MYZAP: variants seen among roughly 807,000 people sequenced by gnomAD.
MYZAP encodes the protein myocardial zonula adherens protein, also known as GRINL1A complex locus upstream.
MYZAP carries 66 observed loss-of-function variants against 69.4 expected under a neutral mutation model. The observed-to-expected ratio is 0.95, with a 90% CI of 0.78 to 1.17. The LOEUF (loss-of-function observed/expected upper bound fraction) is 1.17, where lower values mean the gene tolerates loss of function less well. MYZAP is among the 50% of genes most tolerant of loss of function. The pLI is 0.00. For missense variants in MYZAP, 611 were observed against 556.2 expected, an observed-to-expected ratio of 1.10 and a Z score of -0.99; for synonymous variants, 256 against 205.9, an observed-to-expected ratio of 1.24 and a Z score of -2.09.
chr15:57,625,717 C>G, intron 4 of MYZAP, 62 bp from the exon 5 acceptor site: 3 of 1,496,506 alleles, frequency 2.0e-6, no homozygotes, highest in Non-Finnish European at 2.8e-6. Context: ...TCCAGCCTAA[C>G]TGAAGATTGT....
At chr15:57,619,020 G>A (rs1451703923) in intron 3 of MYZAP, among the ~76,000 whole-genome samples, 1 of 152,162 alleles carries the variant, frequency 6.6e-6, no homozygotes, top group Non-Finnish European at 1.5e-5. Context: ...TCTGTGTCTG[G>A]CCCAGCAAGT....
At chr15:57,623,802 TA>T (rs60114009) in intron 4 of MYZAP, among the ~76,000 whole-genome samples, 38,041 of 132,544 alleles carry the variant, frequency 0.29, 5,454 homozygotes, top group Non-Finnish European at 0.36. Flanking sequence ...AGTTGTAAAT[TA>T]AAAAAAAAAA....
At chr15:57,617,097 G>A (rs2035515180) in intron 2 of MYZAP, among the ~76,000 whole-genome samples, 2 of 152,002 alleles carry the variant, frequency 1.3e-5, no homozygotes, top group African/African-American at 4.8e-5. Context: ...ATAGCCTGCA[G>A]TATGGGGAGG....
chr15:57,621,933 C>A (rs1028936490), intron 4 of MYZAP, among the ~76,000 whole-genome samples: 2 of 152,102 alleles, frequency 1.3e-5, no homozygotes, highest in African/African-American at 4.8e-5. Context: ...AAGTCAGGAG[C>A]AAAACAAGGA....
chr15:57,682,773 T>G (rs995701803), intron 12 of MYZAP, among the ~76,000 whole-genome samples: 14 of 152,152 alleles, frequency 9.2e-5, no homozygotes, highest in African/African-American at 3.4e-4. Context: ...TGGTTTGCAG[T>G]TCCACATCCA....
At chr15:57,674,652 A>G (rs1314028557) in intron 11 of MYZAP, among the ~76,000 whole-genome samples, 1 of 152,264 alleles carries the variant, frequency 6.6e-6, no homozygotes, top group East Asian at 1.9e-4. Context: ...TGACATAAAA[A>G]GAAAACTAAT....
intron 1 of MYZAP, among the ~76,000 whole-genome samples, chr15:57,598,242 G>A (rs79457254): frequency 0.012 from 1,891 of 152,242 alleles, 21 homozygotes; most frequent in Middle Eastern, 0.02. Context: ...GGGGACCCAT[G>A]TAGCTCCCCA....
At chr15:57,627,280 C>T (rs2036190557) in intron 5 of MYZAP, among the ~76,000 whole-genome samples, 1 of 151,556 alleles carries the variant, frequency 6.6e-6, no homozygotes, top group African/African-American at 2.4e-5. Flanking sequence ...TGACTGATTC[C>T]TAGTTATCAT....
intron 10 of MYZAP, among the ~76,000 whole-genome samples, chr15:57,656,220 G>A (rs2038004032): frequency 6.6e-6 from 1 of 152,174 alleles, no homozygotes; most frequent in Admixed American, 6.5e-5. Flanking sequence ...GGGCCTCCAA[G>A]CATCTGATCC....
chr15:57,593,188 G>GCATGCGCGCGCGCGCGCACACA, intron 1 of MYZAP, among the ~76,000 whole-genome samples: 7 of 114,150 alleles, frequency 6.1e-5, no homozygotes, highest in East Asian at 2.7e-4. Context: ...GTACACAGGC[G>GCATGCGCGCGCGCGCGCACACA]CACACACACA....
At chr15:57,637,894 C>A in intron 9 of MYZAP, 120 bp downstream of exon 9, 3 of 1,032,368 alleles carry the variant, frequency 2.9e-6, no homozygotes, top group Admixed American at 2.6e-5. Flanking sequence ...CAGACTTAAG[C>A]ATACATAACA....
At chr15:57,676,224 A>G (rs1595941459) in intron 12 of MYZAP, among the ~76,000 whole-genome samples, 1 of 151,888 alleles carries the variant, frequency 6.6e-6, no homozygotes, top group Non-Finnish European at 1.5e-5. Flanking sequence ...ATTAATTTTT[A>G]TTTATTACTG....
Position 57,684,609 on chromosome 15 carries a change from A to G in MYZAP, c.*111A>G. The G allele has an allele frequency of 1.4e-6, 1 of 699,616 alleles. No individual in the cohort carries two copies. Among genetic ancestry groups the G allele is most frequent in the Non-Finnish European group, 2.5e-6 (1 of 408,014 alleles). 43.3% of individuals were successfully genotyped at this position (699,616 alleles called of 1,614,324 possible). ...TTCCCCTACACACAGTGTAAGCCGG[A>G]ATGGGAATCGCTGAGGCTCTGATCC... is the stretch of plus-strand genomic sequence containing the variant. On this transcript the variant is annotated 3_prime_UTR_variant, in exon 13 of 13. Transcript: ENST00000267853.
Position 57,646,714 on chromosome 15 carries a change from G to A in MYZAP, c.1119+7169G>A, listed in dbSNP as rs1181939987. The A allele has an allele frequency of 6.1e-6, 6 of 986,654 alleles. No individual in the cohort carries two copies. In the East Asian group the frequency reaches 6.8e-4, roughly 111 times the overall value. 61.1% of individuals were successfully genotyped at this position (986,654 alleles called of 1,614,324 possible). ...CTATTTGTATATGGGAGGTGGCCCTGAAGGTGTCCTTCCTGAATGGATATC... is the reference window on the plus strand; with the variant it reads ...CTATTTGTATATGGGAGGTGGCCCTAAAGGTGTCCTTCCTGAATGGATATC... On this transcript the variant is annotated intron_variant, in intron 10 of 12. Transcript: ENST00000267853.
chr15:57,641,183 A>C (rs1455973176), intron 10 of MYZAP, among the ~76,000 whole-genome samples: 3 of 152,158 alleles, frequency 2.0e-5, no homozygotes, highest in Non-Finnish European at 4.4e-5. Flanking sequence ...ACAAAACCTC[A>C]TACTGGTTGG....
At chr15:57,675,145 T>G (rs1464751774) in intron 12 of MYZAP, 77 bp downstream of exon 12, 2 of 1,265,928 alleles carry the variant, frequency 1.6e-6, no homozygotes, top group East Asian at 4.8e-5. Flanking sequence ...TAGGCTGTTC[T>G]TAGCAGAATT....
chr15:57,632,593 C>T (rs148361709), intron 7 of MYZAP, 34 bp downstream of exon 7: 495 of 1,611,088 alleles, frequency 3.1e-4, no homozygotes, highest in African/African-American at 2.3e-3. Flanking sequence ...GTAAACTTAC[C>T]GGGAATTGTT....
rs398043344 is a variant in MYZAP at position 57,654,002 on chromosome 15, C to CAAAAAAAAAAA, written c.1120-7428_1120-7418dup. 4.4e-4 allele frequency among the ~76,000 whole-genome samples: 16 copies of CAAAAAAAAAAA among 36,092 alleles called. 2 individuals carry two copies. Among genetic ancestry groups the CAAAAAAAAAAA allele is most frequent in the East Asian group, 3.0e-3 (2 of 664 alleles). 23.7% of individuals were successfully genotyped at this position (36,092 alleles called of 152,430 possible). On this transcript the variant is annotated intron_variant, in intron 10 of 12. Coordinates refer to ENST00000267853, the MANE Select transcript of MYZAP (RefSeq NM_001018100.5). ...CCTGGGTTACAGAGGCAAACGCTGTCAAAAAAAAAAAAAAAAAAAAAAAAA... is the reference window on the plus strand; with the variant it reads ...CCTGGGTTACAGAGGCAAACGCTGTCAAAAAAAAAAAAAAAAAAAAAAAAAAAAAAAAAAAA...
At chr15:57,682,113 G>T (rs1228271036) in intron 12 of MYZAP, among the ~76,000 whole-genome samples, 1 of 152,168 alleles carries the variant, frequency 6.6e-6, no homozygotes, top group Non-Finnish European at 1.5e-5. Flanking sequence ...GTTTAAGGCC[G>T]TTTGGTATAG....
Sources: allele counts gnomAD v4.1 joint callset (sites outside exome capture counted in the v4.1 genomes callset), GRCh38; gene constraint gnomAD v4.1.1; transcripts MANE v1.5; gene names NCBI Gene and HGNC (gene_info 2026-07-23, HGNC 2026-07-21).